The following NSMCE4A variants were observed in gnomAD, a reference collection of about 807,000 sequenced individuals.
NSMCE4A encodes the protein non-structural maintenance of chromosomes element 4 homolog A.
A neutral mutation model predicts 47.9 loss-of-function variants in NSMCE4A; 40 were observed. The ratio of observed to expected loss-of-function variants is 0.83; its 90% CI spans 0.65 to 1.09. NSMCE4A has a LOEUF of 1.09. NSMCE4A is among the 50% of genes least tolerant of loss of function. The pLI is 0.00. For missense variants in NSMCE4A, 500 were observed against 507.0 expected (o/e 0.99, Z 0.13); for synonymous variants, 166 against 178.5 (o/e 0.93, Z 0.56).
intron 6 of NSMCE4A, chr10:121,962,101 C>G: frequency 3.0e-6 from 1 of 334,152 alleles, no homozygotes; most frequent in Non-Finnish European, 5.5e-6. Flanking sequence ...AAGAGTGAGA[C>G]TGTCTCCTAA....
chr10:121,958,585 T>C (rs1041460018), intron 10 of NSMCE4A, among the ~76,000 whole-genome samples: 1 of 152,100 alleles, frequency 6.6e-6, no homozygotes, highest in Admixed American at 6.5e-5. Context: ...GAGGATTCAA[T>C]ATTTCACTTA....
intron 1 of NSMCE4A, 31 bp from the exon 2 acceptor site, chr10:121,974,112 T>G (rs1056942900): frequency 1.3e-6 from 2 of 1,545,566 alleles, no homozygotes; most frequent in Admixed American, 1.8e-5. Context: ...TTTGGGAAAT[T>G]TGTTCAGCAT....
At chr10:121,971,335 C>T (rs950921921) in intron 2 of NSMCE4A, among the ~76,000 whole-genome samples, 5 of 152,046 alleles carry the variant, frequency 3.3e-5, no homozygotes, top group African/African-American at 7.2e-5. Flanking sequence ...ACGGTGAAAC[C>T]CCAGCTCTAC....
At chr10:121,962,564 C>G (rs938358335) in intron 6 of NSMCE4A, among the ~76,000 whole-genome samples, 1 of 151,600 alleles carries the variant, frequency 6.6e-6, no homozygotes, top group Admixed American at 6.6e-5. Context: ...GGAAAAGTCA[C>G]GTAGCAGAAG....
intron 6 of NSMCE4A, 51 bp downstream of exon 6, chr10:121,963,187 C>T (rs967947170): frequency 1.8e-6 from 2 of 1,095,484 alleles, no homozygotes; most frequent in Non-Finnish European, 1.4e-6. Context: ...CAAGTAACCT[C>T]AGTGAACAGA....
chr10:121,967,882 C>T (rs1192368032), intron 3 of NSMCE4A, 76 bp from the exon 4 acceptor site: 1 of 1,488,870 alleles, frequency 6.7e-7, no homozygotes, highest in African/African-American at 1.4e-5. Context: ...ATCCGCATCA[C>T]TCAACCTTTA....
In NSMCE4A at chr10:121,974,574, G is replaced by A. The variant is rs2134801172; in HGVS notation, c.292+300C>T. The A allele has an allele frequency of 6.8e-6, 7 of 1,029,638 alleles. No homozygotes were observed. The South Asian group carries it at 1.4e-4, about 20-fold the overall frequency. The allele number at this position is 1,029,638 out of a possible 1,614,324, so 63.8% of individuals were successfully genotyped here. A position where few individuals can be genotyped will look rare whatever the true frequency, so the allele number is the denominator to read the frequency against. The stretch of plus-strand genomic sequence containing the variant: ...GGCGCAATCAAAGCACGCGGAGTCC[G>A]CGTCCTGCCTCTCCCCACTGGCTGG... On this transcript the variant is annotated intron_variant, in intron 1 of 10. Coordinates refer to ENST00000369023, the MANE Select transcript of NSMCE4A (RefSeq NM_017615.3).
chr10:121,970,879 T>A lies in NSMCE4A; in HGVS notation c.501+60A>T, dbSNP rs1952694942. On this transcript the variant is annotated intron_variant, in intron 3 of 10. Transcript: ENST00000369023. ...CATCTGCATATGGATATGAGCACAGTAAATAATTATAATATATAACAGAAC... is the reference window on the plus strand; with the variant it reads ...CATCTGCATATGGATATGAGCACAGAAAATAATTATAATATATAACAGAAC... 2.8e-6 allele frequency: 4 copies of A among 1,419,790 alleles called. No individual in the cohort carries two copies. The South Asian group carries it at 4.2e-5, about 15-fold the overall frequency. 87.9% of individuals were successfully genotyped at this position (1,419,790 alleles called of 1,614,324 possible).
In NSMCE4A at chr10:121,975,050, C is replaced by A; in HGVS notation, c.116G>T (p.Arg39Leu). 8 of 1,466,016 alleles carry A rather than the reference C, an allele frequency of 5.5e-6. No homozygotes were observed. The highest frequency in any genetic ancestry group is 7.2e-6 in the Non-Finnish European group (8 of 1,116,746). The allele number at this position is 1,466,016 out of a possible 1,614,324, so 90.8% of individuals were successfully genotyped here. A position where few individuals can be genotyped will look rare whatever the true frequency, so the allele number is the denominator to read the frequency against. Reference sequence around the variant, plus strand: ...TCTGCGCTCCCGCGCAGAGCCGCGGCGGGACCTGGGCGACAAAGGGGACCG... The same window carrying A: ...TCTGCGCTCCCGCGCAGAGCCGCGGAGGGACCTGGGCGACAAAGGGGACCG... ...RSRSPLSPRSRRGSARERREA... is the reference protein window; with the variant it reads ...RSRSPLSPRSLRGSARERREA... The change falls in exon 1 of 11, where the codon CGC becomes CTC. Residue 39 changes from arginine to leucine, a missense_variant. Physicochemically the swap from Arg to Leu is moderately radical, Grantham distance 102. Transcript: ENST00000369023.
At chr10:121,974,825 G>A in intron 1 of NSMCE4A, 49 bp downstream of exon 1, 2 of 1,324,786 alleles carry the variant, frequency 1.5e-6, no homozygotes, top group Middle Eastern at 2.8e-4. Flanking sequence ...GGCGCAGGGC[G>A]GGGACAGCGG....
chr10:121,973,629 A>G (rs1332010232), intron 2 of NSMCE4A, among the ~76,000 whole-genome samples: 3 of 152,234 alleles, frequency 2.0e-5, no homozygotes, highest in African/African-American at 7.2e-5. Context: ...ATGGGACAGG[A>G]AAAGAAACAG....
chr10:121,971,249 G>A (rs866567733), intron 2 of NSMCE4A, among the ~76,000 whole-genome samples, 180 bp from the exon 3 acceptor site: 4 of 151,832 alleles, frequency 2.6e-5, no homozygotes, highest in Non-Finnish European at 5.9e-5. Flanking sequence ...GGTGGCTCAA[G>A]CCTGTAATCC....
At chr10:121,962,043 G>C (rs752649389) in intron 6 of NSMCE4A, 5 of 364,950 alleles carry the variant, frequency 1.4e-5, no homozygotes, top group Non-Finnish European at 2.7e-5. Context: ...CCAGGAGGTG[G>C]AGGTTGCAGT....
Position 121,961,521 on chromosome 10 carries a change from T to C in NSMCE4A, c.845-4A>G, listed in dbSNP as rs1474833027. On this transcript the variant is annotated splice_region_variant and splice_polypyrimidine_tract_variant and intron_variant, in intron 6 of 10. Transcript: ENST00000369023. The stretch of plus-strand genomic sequence containing the variant: ...AAGAAGGACATTGGGGTATCAGCTA[T>C]AGACAAAAAGAGAAAAAAAAATTGA... 4.3e-5 allele frequency: 66 copies of C among 1,543,292 alleles called. No individual in the cohort carries two copies. Among genetic ancestry groups the C allele is most frequent in the Non-Finnish European group, 5.4e-5 (62 of 1,154,460 alleles).
intron 8 of NSMCE4A, chr10:121,959,800 A>C: frequency 3.4e-6 from 2 of 583,084 alleles, no homozygotes; most frequent in Non-Finnish European, 6.1e-6. Flanking sequence ...CATTTCAAAA[A>C]ACATGTAGTA....
chr10:121,958,943 TAGCTGGGATTAC>T (rs1451586790), intron 10 of NSMCE4A, among the ~76,000 whole-genome samples: 2 of 152,004 alleles, frequency 1.3e-5, no homozygotes, highest in Non-Finnish European at 2.9e-5. Context: ...GCCTCCTGAG[TAGCTGGGATTAC>T]AGGTGCATGC....
chr10:121,965,341 A>G lies in NSMCE4A; in HGVS notation c.698T>C (p.Val233Ala), dbSNP rs1438316992. Residue 233 changes from valine (V) to alanine (A), a missense_variant, in exon 5 of 11, where the codon GTT (valine) becomes GCT (alanine). Coordinates refer to ENST00000369023, the MANE Select transcript of NSMCE4A (RefSeq NM_017615.3). ...YGECPVPKPR[V>A]DRPRKVPVIQ... ...CACAGGAACTTTTCTTGGACGATCA[A>G]CTCGTGGCTTTGGCACAGGGCACTC... The G allele has an allele frequency of 3.7e-6, 6 of 1,613,782 alleles. No individual in the cohort carries two copies. The Admixed American group carries it at 6.7e-5, about 18-fold the overall frequency.
At chr10:121,957,429 CTTTTTT>C (rs34808169) in intron 10 of NSMCE4A, among the ~76,000 whole-genome samples, 170 bp from the exon 11 acceptor site, 71 of 98,350 alleles carry the variant, frequency 7.2e-4, no homozygotes, top group African/African-American at 2.5e-3. Context: ...CTTCTTTTTT[CTTTTTT>C]TTTTTTTTTT....
chr10:121,972,625 G>A (rs1489815043), intron 2 of NSMCE4A, among the ~76,000 whole-genome samples: 1 of 152,142 alleles, frequency 6.6e-6, no homozygotes, highest in Admixed American at 6.5e-5. Flanking sequence ...ATAAAGAACT[G>A]ACTAGATGCA....
Sources: allele counts gnomAD v4.1 joint callset (sites outside exome capture counted in the v4.1 genomes callset), GRCh38; gene constraint gnomAD v4.1.1; transcripts MANE v1.5; gene names NCBI Gene and HGNC (gene_info 2026-07-23, HGNC 2026-07-21).